The following PLCG2 variants were observed in gnomAD, a reference collection of about 807,000 sequenced individuals.
PLCG2 encodes the protein phospholipase C gamma 2.
PLCG2 carries 69 observed loss-of-function variants against 175.6 expected under a neutral mutation model. The ratio of observed to expected loss-of-function variants is 0.39; its 90% confidence interval spans 0.32 to 0.48. The LOEUF (loss-of-function observed/expected upper bound fraction) is 0.48. Among genes scored for constraint, PLCG2 ranks in the 20% least tolerant of loss-of-function variants. The probability of loss-of-function intolerance (pLI) is 0.91; values close to 1 mark genes in which losing one functional copy is unlikely to be tolerated. For synonymous variants in PLCG2, 827 were observed against 624.0 expected (o/e 1.33, Z -4.85); for missense variants, 1,798 against 1,650.9 (o/e 1.09, Z -1.54).
chr16:81,838,562 G>C (rs934673020), intron 2 of PLCG2, among the ~76,000 whole-genome samples: 1 of 151,780 alleles, frequency 6.6e-6, no homozygotes, highest in Non-Finnish European at 1.5e-5. Context: ...TGAACAATGA[G>C]AACACATGGA....
Position 81,870,890 on chromosome 16 carries a change from G to T in PLCG2, c.603G>T (p.Gln201His). The change falls in exon 7 of 33, where the codon CAG becomes CAT. Residue 201 changes from glutamine (Q) to histidine (H), a missense_variant. By Grantham distance (24) the Gln-to-His change is conservative (BLOSUM62 0). Coordinates refer to ENST00000564138, the MANE Select transcript of PLCG2 (RefSeq NM_002661.5). Reference sequence around the variant, plus strand: ...ACAAAGATGAGCTCAGCTTTGAACAGTTCCATCTCTTCTATAAAAAACTTA... The same window carrying T: ...ACAAAGATGAGCTCAGCTTTGAACATTTCCATCTCTTCTATAAAAAACTTA... ...GAHKDELSFE[Q>H]FHLFYKKLMF... 2 of 1,604,136 alleles carry T rather than the reference G, an allele frequency of 1.2e-6. No homozygotes were observed. Among genetic ancestry groups the T allele is most frequent in the Non-Finnish European group, 1.7e-6 (2 of 1,175,120 alleles).
intron 7 of PLCG2, among the ~76,000 whole-genome samples, chr16:81,876,419 G>A (rs1412223936): frequency 2.0e-5 from 3 of 152,142 alleles, no homozygotes; most frequent in Non-Finnish European, 4.4e-5. Context: ...AGCTTCGGTT[G>A]TGAAAGGGCG....
At chr16:81,923,083 A>G (rs773305241) in intron 21 of PLCG2, among the ~76,000 whole-genome samples, 1 of 152,180 alleles carries the variant, frequency 6.6e-6, no homozygotes, top group South Asian at 2.1e-4. Context: ...CGGCACTGTG[A>G]TGACAGTCTT....
Position 81,768,871 on chromosome 16 carries a change from G to T in PLCG2, c.-48+12905G>T, listed in dbSNP as rs147020647. ...TGTGAGCCACCGTGCCCAGCCTATT[G>T]TCAGTGGTTTTTTATTTTAACCATT... is the stretch of plus-strand genomic sequence containing the variant. On this transcript the variant is annotated intron_variant, in intron 2 of 5. Coordinates refer to the PLCG2 transcript ENST00000565054. 4.1e-4 allele frequency among the ~76,000 whole-genome samples: 62 copies of T among 152,234 alleles called. 1 individual carries two copies. The East Asian group carries it at 0.011, about 27-fold the overall frequency.
chr16:81,931,584 C>T lies in PLCG2; in HGVS notation c.2669C>T (p.Thr890Ile). The T allele has an allele frequency of 6.2e-7, 1 of 1,614,116 alleles. No individual in the cohort carries two copies. ...GGCGATCCTCCGGTGGAGTTTGCCA[C>T]AGACAGGGTGGAGGAGCTCTTTGAG... Reference protein sequence around the residue: ...QQGDPPVEFATDRVEELFEWF... With the variant: ...QQGDPPVEFAIDRVEELFEWF... The change falls in exon 25 of 33, where the codon ACA becomes ATA. Residue 890 changes from threonine (T) to isoleucine (I), a missense_variant. Physicochemically the swap from Thr to Ile is moderately conservative, Grantham distance 89 (BLOSUM62 -1). Coordinates refer to ENST00000564138, the MANE Select transcript of PLCG2 (RefSeq NM_002661.5).
chr16:81,770,530 C>T (rs1364346016), intron 2 of PLCG2, among the ~76,000 whole-genome samples: 4 of 152,152 alleles, frequency 2.6e-5, no homozygotes, highest in South Asian at 2.1e-4. Context: ...CTGGGTAACA[C>T]GATGAAACCT....
intron 2 of PLCG2, among the ~76,000 whole-genome samples, chr16:81,805,783 G>GTTTTTTTTTTTTTTGTTTTTTTTTT (rs1911990639): frequency 1.2e-5 from 1 of 82,918 alleles, no homozygotes; most frequent in Non-Finnish European, 2.2e-5. Flanking sequence ...TTTTTTTTTT[G>GTTTTTTTTTTTTTTGTTTTTTTTTT]TTTTTTTTTT....
At chr16:81,848,961 C>G (rs1317129896) in intron 2 of PLCG2, among the ~76,000 whole-genome samples, 6 of 152,182 alleles carry the variant, frequency 3.9e-5, no homozygotes, top group African/African-American at 1.2e-4. Flanking sequence ...TTGGCACTAA[C>G]CAGACTAAGA....
intron 1 of PLCG2, among the ~76,000 whole-genome samples, chr16:81,745,135 A>G (rs1244554665): frequency 1.3e-5 from 2 of 152,198 alleles, no homozygotes; most frequent in African/African-American, 4.8e-5. Flanking sequence ...CATCCAGGTC[A>G]CTGCAGGGCT....
intron 25 of PLCG2, among the ~76,000 whole-genome samples, chr16:81,932,057 G>C (rs1403463836): frequency 2.6e-5 from 4 of 152,200 alleles, no homozygotes; most frequent in African/African-American, 9.7e-5. Context: ...GCCTGGAGCT[G>C]GAATGGGCTC....
chr16:81,901,282 A>G (rs1004559273), intron 14 of PLCG2, among the ~76,000 whole-genome samples: 6 of 152,262 alleles, frequency 3.9e-5, no homozygotes, highest in Non-Finnish European at 8.8e-5. Flanking sequence ...TGATGTTCCC[A>G]GCACTGCAGG....
At chr16:81,869,180 C>T (rs553968457) in intron 5 of PLCG2, 34 bp from the exon 6 acceptor site, 2 of 1,554,242 alleles carry the variant, frequency 1.3e-6, no homozygotes, top group Non-Finnish European at 1.8e-6. Flanking sequence ...TGAAAACCCT[C>T]AAGGTGACAG....
At chr16:81,934,232 G>A (rs1910617217) in intron 25 of PLCG2, among the ~76,000 whole-genome samples, 197 bp from the exon 26 acceptor site, 1 of 152,160 alleles carries the variant, frequency 6.6e-6, no homozygotes, top group South Asian at 2.1e-4. Context: ...CGTGGAAACA[G>A]CTTTGTCGAG....
intron 19 of PLCG2, 150 bp downstream of exon 19, chr16:81,912,866 G>A (rs4243223): frequency 4.1e-6 from 4 of 965,660 alleles, no homozygotes; most frequent in Non-Finnish European, 5.9e-6. Flanking sequence ...AGCAAAAGCC[G>A]CTGCGAGAAT....
intron 2 of PLCG2, among the ~76,000 whole-genome samples, chr16:81,853,590 C>T (rs577168036): frequency 2.6e-5 from 4 of 152,142 alleles, no homozygotes; most frequent in Admixed American, 6.5e-5. Flanking sequence ...GTAGGGTTTG[C>T]GCCCCTATGA....
intron 5 of PLCG2, 26 bp from the exon 6 acceptor site, chr16:81,869,188 C>G: frequency 1.9e-6 from 3 of 1,591,016 alleles, no homozygotes; most frequent in Non-Finnish European, 2.6e-6. Context: ...CTCAAGGTGA[C>G]AGAACTGGGT....
Position 81,959,028 on chromosome 16 carries a change from C to G in PLCG2, c.*1030C>G, listed in dbSNP as rs1911683535. On this transcript the variant is annotated 3_prime_UTR_variant, in exon 33 of 33. Transcript: ENST00000564138. The stretch of plus-strand genomic sequence containing the variant: ...ACCTAGTTCATGACAGTATGTGCGG[C>G]TGGCCAGGGCTTTACACCTCTGCAT... The G allele has an allele frequency of 4.5e-6, 1 of 223,284 alleles. No individual in the cohort carries two copies. The highest frequency in any genetic ancestry group is 5.7e-5 in the Admixed American group (1 of 17,454). The allele number at this position is 223,284 out of a possible 1,614,324, so 13.8% of individuals were successfully genotyped here.
intron 21 of PLCG2, chr16:81,921,500 G>C (rs1910060778): frequency 1.8e-6 from 1 of 541,870 alleles, no homozygotes; most frequent in Non-Finnish European, 3.3e-6. Context: ...CTAAAATTCT[G>C]AGGTTTGACG....
At chr16:81,846,484 T>A (rs2143445671) in intron 2 of PLCG2, among the ~76,000 whole-genome samples, 1 of 152,364 alleles carries the variant, frequency 6.6e-6, no homozygotes, top group Non-Finnish European at 1.5e-5. Flanking sequence ...ATTAGCACTC[T>A]GCCTAACACA....
Sources: allele counts gnomAD v4.1 joint callset (sites outside exome capture counted in the v4.1 genomes callset), GRCh38; gene constraint gnomAD v4.1.1; transcripts MANE v1.5; gene names NCBI Gene and HGNC (gene_info 2026-07-23, HGNC 2026-07-21).